Variants in ZMYND8 observed in about 807,000 individuals in gnomAD.
ZMYND8 encodes zinc finger MYND-type containing 8, also known as MYND-type zinc finger-containing chromatin reader ZMYND8.
In ZMYND8, 37 loss-of-function variants were observed where a neutral mutation model predicts 140.8. The observed-to-expected ratio is 0.26, with a 90% CI of 0.20 to 0.35. The LOEUF is 0.35. Ranked by LOEUF, ZMYND8 falls within the 10% of genes least tolerant of loss-of-function variation. ZMYND8 has a pLI of 1.00. For synonymous variants in ZMYND8, 592 were observed against 597.1 expected, an observed-to-expected ratio of 0.99 and a Z score of 0.12; for missense variants, 1,068 against 1,570.0, an observed-to-expected ratio of 0.68 and a Z score of 5.40.
chr20:47,239,275 C>G lies in ZMYND8; in HGVS notation c.2285-137G>C, dbSNP rs971784879. On this transcript the variant is annotated intron_variant, in intron 14 of 22. Transcript: ENST00000471951. ...GAACCAATTCGACGTGCCAAGCACA[C>G]CGCGCTGGAGGAGTACATTCTCACC... 6 of 1,195,104 alleles carry G rather than the reference C, an allele frequency of 5.0e-6. No individual in the cohort carries two copies. In the Admixed American group the frequency reaches 9.1e-5, roughly 18 times the overall value. 74.0% of individuals were successfully genotyped at this position (1,195,104 alleles called of 1,614,324 possible).
In ZMYND8 at chr20:47,212,444, G is replaced by A. The variant is rs945697918; in HGVS notation, c.3568+198C>T. Among the ~76,000 whole-genome samples the A allele has an allele frequency of 3.3e-5, 5 of 152,176 alleles. No homozygotes were observed. Among genetic ancestry groups the A allele is most frequent in the Non-Finnish European group, 7.4e-5 (5 of 68,024 alleles). Reference sequence around the variant, plus strand: ...CATCAAGAAGCCAGGCCACATGCTCGCTCTCATTTCCTAATGCAGTTTGTG... The same window carrying A: ...CATCAAGAAGCCAGGCCACATGCTCACTCTCATTTCCTAATGCAGTTTGTG... On this transcript the variant is annotated intron_variant, in intron 22 of 22. Coordinates refer to ENST00000471951, the MANE Select transcript of ZMYND8 (RefSeq NM_001281775.3).
chr20:47,312,465 C>G (rs1209632192), intron 2 of ZMYND8, among the ~76,000 whole-genome samples: 1 of 152,086 alleles, frequency 6.6e-6, no homozygotes, highest in Non-Finnish European at 1.5e-5. Context: ...TGAGGGTGAA[C>G]AGACCTGAGA....
chr20:47,301,557 T>C (rs1013437907), intron 3 of ZMYND8, among the ~76,000 whole-genome samples: 1 of 151,912 alleles, frequency 6.6e-6, no homozygotes, highest in African/African-American at 2.4e-5. Flanking sequence ...ATTTTTTTCA[T>C]GTTACATTTT....
At chr20:47,228,024 C>T (rs1235199677) in intron 17 of ZMYND8, among the ~76,000 whole-genome samples, 1 of 149,662 alleles carries the variant, frequency 6.7e-6, no homozygotes, top group Non-Finnish European at 1.5e-5. Context: ...ACCCGGGAGG[C>T]GGAGGTTGCA....
intron 11 of ZMYND8, among the ~76,000 whole-genome samples, chr20:47,268,483 C>T (rs565198074): frequency 6.6e-6 from 1 of 151,304 alleles, no homozygotes; most frequent in Non-Finnish European, 1.5e-5. Flanking sequence ...TTAATAGAGA[C>T]GGTGTTTCAC....
At chr20:47,258,177 ACC>A (rs1238753550) in intron 12 of ZMYND8, among the ~76,000 whole-genome samples, 1 of 152,066 alleles carries the variant, frequency 6.6e-6, no homozygotes, top group Non-Finnish European at 1.5e-5. Context: ...ACTTCACCTT[ACC>A]CCCTGACCCC....
intron 20 of ZMYND8, 132 bp from the exon 21 acceptor site, chr20:47,220,456 TCAGGTGGGAGTGATGGGCACAGGGCGGC>T (rs1405767138): frequency 1.3e-5 from 10 of 774,872 alleles, no homozygotes; most frequent in Non-Finnish European, 2.1e-5. Flanking sequence ...CCTGGCACGG[TCAGGTGGGAGTGATGGGCACAGGGCGGC>T]CAGGTGGCCA....
chr20:47,319,955 G>A (rs963387359), intron 2 of ZMYND8: 5 of 151,802 alleles, frequency 3.3e-5, no homozygotes. Context: ...AGAATGTGGA[G>A]AAACCGGTTG....
At chr20:47,226,847 A>C (rs1462092640) in intron 18 of ZMYND8, among the ~76,000 whole-genome samples, 3 of 152,036 alleles carry the variant, frequency 2.0e-5, no homozygotes, top group Non-Finnish European at 4.4e-5. Context: ...TTTTGTGTAG[A>C]GATAGGGTTT....
In ZMYND8 at chr20:47,318,969, G is replaced by A. The variant is rs1428971639; in HGVS notation, c.86-8765C>T. 13 of 1,351,426 alleles carry A rather than the reference G, an allele frequency of 9.6e-6. No individual in the cohort carries two copies. In the Admixed American group the frequency reaches 1.5e-4, roughly 16 times the overall value. 83.7% of individuals were successfully genotyped at this position (1,351,426 alleles called of 1,614,324 possible). On this transcript the variant is annotated intron_variant, in intron 2 of 22. Coordinates refer to ENST00000471951, the MANE Select transcript of ZMYND8 (RefSeq NM_001281775.3). ...CACTTACCTGCCATTGAGAAAGTGC[G>A]GCTGCTCAGAGGGCCTAGCCTCTCT... is the stretch of plus-strand genomic sequence containing the variant.
In ZMYND8 at chr20:47,259,936, T is replaced by C. The variant is rs75364143; in HGVS notation, c.1621+2352A>G. Among the ~76,000 whole-genome samples, 1,099 of 152,280 alleles carry C rather than the reference T, an allele frequency of 7.2e-3. 63 individuals are homozygous for C. The East Asian group carries it at 0.15, about 21-fold the overall frequency. On this transcript the variant is annotated intron_variant, in intron 12 of 22. Coordinates refer to ENST00000471951, the MANE Select transcript of ZMYND8 (RefSeq NM_001281775.3). ...CAGAATTACACCTCCTGCCTGAACC[T>C]GGCCACAGGGAACCCTAATTCCTGC...
chr20:47,307,841 C>T (rs541149719), intron 3 of ZMYND8, among the ~76,000 whole-genome samples: 46 of 151,754 alleles, frequency 3.0e-4, no homozygotes, highest in African/African-American at 1.1e-3. Flanking sequence ...TAAATAAGGC[C>T]AGGCGCGGTG....
At chr20:47,276,979 A>AT (rs1337293912) in intron 10 of ZMYND8, among the ~76,000 whole-genome samples, 184 bp from the exon 11 acceptor site, 1 of 151,974 alleles carries the variant, frequency 6.6e-6, no homozygotes, top group Non-Finnish European at 1.5e-5. Flanking sequence ...ATGTTCTACC[A>AT]TAACAGAACA....
chr20:47,348,651 G>C (rs2082532173), intron 1 of ZMYND8: 1 of 152,392 alleles, frequency 6.6e-6, no homozygotes, highest in African/African-American at 2.4e-5. Flanking sequence ...CAAAGGCTAA[G>C]AGTGGAGGGT....
At chr20:47,219,170 G>A (rs1249477180) in intron 21 of ZMYND8, among the ~76,000 whole-genome samples, 1 of 148,922 alleles carries the variant, frequency 6.7e-6, no homozygotes, top group Non-Finnish European at 1.5e-5. Context: ...CGATTCTCCT[G>A]CCTCAGCCTC....
rs572940795 is a variant in ZMYND8 at position 47,314,061 on chromosome 20, C to G, written c.86-3857G>C. 4.6e-5 allele frequency among the ~76,000 whole-genome samples: 7 copies of G among 152,236 alleles called. 1 individual carries two copies. In the South Asian group the frequency reaches 1.5e-3, roughly 32 times the overall value. ...ATATTCCTGGATGAACACAAAAGTACAACAAAGCTCGACTTGGGGACTACT... is the reference window on the plus strand; with the variant it reads ...ATATTCCTGGATGAACACAAAAGTAGAACAAAGCTCGACTTGGGGACTACT... On this transcript the variant is annotated intron_variant, in intron 2 of 22. Coordinates refer to ENST00000471951, the MANE Select transcript of ZMYND8 (RefSeq NM_001281775.3).
At position 47,348,126 on chromosome 20, in the gene ZMYND8, T is replaced by C. The variant is rs1267292637; in HGVS notation, c.15-200A>G. The stretch of plus-strand genomic sequence containing the variant: ...AGTTTTTTAAAACACTAGGTTGTTC[T>C]TTTTTTTTTTAAGTCAAATTACTAT... On this transcript the variant is annotated intron_variant, in intron 1 of 22. Coordinates refer to ENST00000471951, the MANE Select transcript of ZMYND8 (RefSeq NM_001281775.3). 11 of 274,260 alleles carry C rather than the reference T, an allele frequency of 4.0e-5. No individual in the cohort carries two copies. In the East Asian group the frequency reaches 8.0e-4, roughly 20 times the overall value. The allele number at this position is 274,260 out of a possible 1,614,324, so 17.0% of individuals were successfully genotyped here. A position where few individuals can be genotyped will look rare whatever the true frequency, so the allele number is the denominator to read the frequency against.
chr20:47,299,891 AT>A (rs1340051083), intron 3 of ZMYND8, among the ~76,000 whole-genome samples: 1 of 152,122 alleles, frequency 6.6e-6, no homozygotes, highest in African/African-American at 2.4e-5. Flanking sequence ...CAGTTATCTA[AT>A]TTTTAAGTTT....
At chr20:47,290,837 C>T (rs1320067554) in intron 6 of ZMYND8, among the ~76,000 whole-genome samples, 6 of 151,936 alleles carry the variant, frequency 3.9e-5, no homozygotes, top group Non-Finnish European at 8.8e-5. Context: ...ATGATCCGCC[C>T]GCCTCAGCCT....
Sources: gnomAD v4.1 joint callset for allele counts (sites outside exome capture counted in the v4.1 genomes callset) on GRCh38, gnomAD v4.1.1 for gene constraint, MANE v1.5 for transcripts, NCBI Gene and HGNC (gene_info 2026-07-23, HGNC 2026-07-21) for gene names.